SLFN14: variants seen among roughly 807,000 people sequenced by gnomAD.
SLFN14 encodes the protein schlafen family member 14.
In SLFN14, 47 loss-of-function variants were observed where a neutral mutation model predicts 58.6. The observed-to-expected ratio is 0.80, with a 90% CI of 0.64 to 1.02. The LOEUF (loss-of-function observed/expected upper bound fraction) is 1.02, where lower values mean the gene tolerates loss of function less well. Among genes scored for constraint, SLFN14 ranks in the 50% least tolerant of loss-of-function variants. The pLI, the probability that SLFN14 is intolerant of heterozygous loss-of-function variation, is 0.00. For synonymous variants in SLFN14, 390 were observed against 387.3 expected, an observed-to-expected ratio of 1.01 and a Z score of -0.08; for missense variants, 967 against 1,078.4, an observed-to-expected ratio of 0.90 and a Z score of 1.45.
chr17:35,545,183 A>T lies in SLFN14; in HGVS notation c.*3056T>A, dbSNP rs1292553971. Reference sequence around the variant, plus strand: ...ATTCTTCATTATTACAGTGTTAAAGATTATTCTCCACACTGACTTCTTTGA... The same window carrying T: ...ATTCTTCATTATTACAGTGTTAAAGTTTATTCTCCACACTGACTTCTTTGA... On this transcript the variant is annotated 3_prime_UTR_variant, in exon 6 of 6. Coordinates refer to ENST00000674182, the MANE Select transcript of SLFN14 (RefSeq NM_001129820.2). Among the ~76,000 whole-genome samples the T allele has an allele frequency of 2.6e-5, 4 of 152,224 alleles. No homozygotes were observed. Among genetic ancestry groups the T allele is most frequent in the Non-Finnish European group, 5.9e-5 (4 of 68,036 alleles).
At position 35,548,024 on chromosome 17, in the gene SLFN14, T is replaced by A; in HGVS notation, c.*215A>T. 1.7e-6 allele frequency: 1 copy of A among 571,478 alleles called. No homozygotes were observed. Among genetic ancestry groups the A allele is most frequent in the Non-Finnish European group, 3.1e-6 (1 of 321,606 alleles). 35.4% of individuals were successfully genotyped at this position (571,478 alleles called of 1,614,324 possible). ...GAGACAGGGGACTAATGAAGTCTATTGTAATTGTATAGGTAGGAGGTGAAG... is the reference window on the plus strand; with the variant it reads ...GAGACAGGGGACTAATGAAGTCTATAGTAATTGTATAGGTAGGAGGTGAAG... On this transcript the variant is annotated 3_prime_UTR_variant, in exon 6 of 6. Coordinates refer to ENST00000674182, the MANE Select transcript of SLFN14 (RefSeq NM_001129820.2).
In SLFN14 at chr17:35,557,961, G is replaced by C; in HGVS notation, c.102C>G (p.Asn34Lys). Residue 34 changes from asparagine to lysine, a missense_variant, in exon 3 of 6, where the codon AAC becomes AAG. Coordinates refer to ENST00000674182, the MANE Select transcript of SLFN14 (RefSeq NM_001129820.2). Reference sequence around the variant, plus strand: ...AATTCTCAGATCTTTTCAAACAGCTGTTGGTCATCTTCTTCCTGTTTTCTT... The same window carrying C: ...AATTCTCAGATCTTTTCAAACAGCTCTTGGTCATCTTCTTCCTGTTTTCTT... ...FGEENRKKMT[N>K]SCLKRSENSR... is the part of the protein sequence containing the mutation. 1 of 1,551,642 alleles carries C rather than the reference G, an allele frequency of 6.4e-7. No individual in the cohort carries two copies. The highest frequency in any genetic ancestry group is 8.7e-7 in the Non-Finnish European group (1 of 1,146,992).
Position 35,554,583 on chromosome 17 carries a change from C to CA in SLFN14, c.1181dup (p.Leu394PhefsTer12). ...GAAATCAAGAGGGAATACCTGGAAACAAATGTCGTTGCAGAGCCTCCTTAA... is the reference window on the plus strand; with the variant it reads ...GAAATCAAGAGGGAATACCTGGAAACAAAATGTCGTTGCAGAGCCTCCTTAA... On this transcript the variant is annotated frameshift_variant, in exon 4 of 6. Transcript: ENST00000674182. LOFTEE classifies it high-confidence loss of function. The CA allele has an allele frequency of 1.3e-6, 2 of 1,527,244 alleles. No individual in the cohort carries two copies. Among genetic ancestry groups the CA allele is most frequent in the Admixed American group, 2.1e-5 (1 of 46,584 alleles). 94.6% of individuals were successfully genotyped at this position (1,527,244 alleles called of 1,614,324 possible).
In SLFN14 at chr17:35,545,446, G is replaced by A. The variant is rs2072526793; in HGVS notation, c.*2793C>T. Among the ~76,000 whole-genome samples, 1 of 152,154 alleles carries A rather than the reference G, an allele frequency of 6.6e-6. No homozygotes were observed. Among genetic ancestry groups the A allele is most frequent in the African/African-American group, 2.4e-5 (1 of 41,438 alleles). Reference sequence around the variant, plus strand: ...ACATTTTTTGAGGACAGAAAGAACAGACTAGGAGAAGGGTTCAATGGTTCT... The same window carrying A: ...ACATTTTTTGAGGACAGAAAGAACAAACTAGGAGAAGGGTTCAATGGTTCT... On this transcript the variant is annotated 3_prime_UTR_variant, in exon 6 of 6. Transcript: ENST00000674182.
rs1016942125 is a variant in SLFN14 at position 35,548,357 on chromosome 17, G to A, written c.2621C>T (p.Thr874Ile). Residue 874 changes from threonine to isoleucine, a missense_variant, in exon 6 of 6, where the codon ACT (threonine) becomes ATT (isoleucine). Transcript: ENST00000674182. ...TTCTGGACTAAGCCCAAACACGACA[G>A]TCCTCTCCAGGCCTGAAAATTGCTG... The part of the protein sequence containing the change: ...SIQQFSGLER[T>I]VVFGLSPECD... 5 of 1,551,696 alleles carry A rather than the reference G, an allele frequency of 3.2e-6. No individual in the cohort carries two copies. The Admixed American group carries it at 7.8e-5, about 24-fold the overall frequency.
Position 35,553,214 on chromosome 17 carries a change from T to C in SLFN14, c.1420A>G (p.Ile474Val), listed in dbSNP as rs767925346. The change falls in exon 5 of 6, where the codon ATA becomes GTA. Residue 474 changes from isoleucine (I) to valine (V), a missense_variant. Transcript: ENST00000674182. ...NSPVVLYTIL[I>V]DPNWPGGLEY... ...AGTCCTCCAGGCCAATTGGGGTCTA[T>C]TAAGATTGTATAGAGTACCACGGGG... 2.4e-5 allele frequency: 38 copies of C among 1,551,698 alleles called. No individual in the cohort carries two copies. The highest frequency in any genetic ancestry group is 3.2e-5 in the Non-Finnish European group (37 of 1,146,992).
intron 2 of SLFN14, 25 bp from the exon 3 acceptor site, chr17:35,558,131 TTCTATATTAATAAGA>T (rs1455226927): frequency 7.7e-7 from 1 of 1,295,398 alleles, no homozygotes; most frequent in Non-Finnish European, 1.0e-6. Context: ...GAAATATTGT[TTCTATATTAATAAGA>T]ATTCCAAAGA....
intron 3 of SLFN14, 28 bp downstream of exon 3, chr17:35,556,975 T>G (rs1302345043): frequency 3.9e-6 from 6 of 1,523,630 alleles, no homozygotes; most frequent in Non-Finnish European, 4.4e-6. Context: ...TCCCTGCTGA[T>G]GGGGACAATG....
At chr17:35,554,331 AT>A (rs2072627982) in intron 4 of SLFN14, among the ~76,000 whole-genome samples, 1 of 147,284 alleles carries the variant, frequency 6.8e-6, no homozygotes, top group Middle Eastern at 3.3e-3. Flanking sequence ...ATATATAATA[AT>A]TATATAATAA....
rs2072665801 is a variant in SLFN14, at chr17:35,557,604, C to T, written c.459G>A (p.Lys153=). Residue 153 remains lysine, a synonymous_variant, in exon 3 of 6, where the codon AAG becomes AAA. Transcript: ENST00000674182. ...GTCTTCCTCTTTGGGCTCTAAACCC[C>T]TTCTCTCTGAGAAGCTCCAGGGCAC... ...ASSALELLRE[K]GFRAQRGRPR... The T allele has an allele frequency of 6.4e-7, 1 of 1,551,586 alleles. No individual in the cohort carries two copies. The highest frequency in any genetic ancestry group is 8.7e-7 in the Non-Finnish European group (1 of 1,147,002).
intron 5 of SLFN14, 83 bp from the exon 6 acceptor site, chr17:35,549,156 G>C: frequency 1.3e-5 from 14 of 1,080,824 alleles, no homozygotes; most frequent in Non-Finnish European, 1.6e-5. Flanking sequence ...TGGAATCAGA[G>C]GCTGATTCTC....
rs781084582 is a variant in SLFN14 at position 35,544,925 on chromosome 17, TCA to T, written c.*3312_*3313del. 2.0e-5 allele frequency among the ~76,000 whole-genome samples: 3 copies of T among 152,230 alleles called. No individual in the cohort carries two copies. The highest frequency in any genetic ancestry group is 2.9e-5 in the Non-Finnish European group (2 of 68,042). On this transcript the variant is annotated 3_prime_UTR_variant, in exon 6 of 6. Transcript: ENST00000674182. ...TTTAAAAGTAAGTTTTAGAAGCTTC[TCA>T]CAGTTTCTAAAGCTTCTCTTTTATC...
Position 35,548,325 on chromosome 17 carries a change from G to T in SLFN14, c.2653C>A (p.Gln885Lys). Reference sequence around the variant, plus strand: ...CAGAGCTTATGAAATTCCTCTGACTGGTCACATTCTGGACTAAGCCCAAAC... The same window carrying T: ...CAGAGCTTATGAAATTCCTCTGACTTGTCACATTCTGGACTAAGCCCAAAC... ...VVFGLSPECD[Q>K]SEEFHKLCFA... The change falls in exon 6 of 6, where the codon CAG (glutamine) becomes AAG (lysine). Residue 885 changes from glutamine to lysine, a missense_variant. Transcript: ENST00000674182. The T allele has an allele frequency of 1.9e-6, 3 of 1,551,642 alleles. No individual in the cohort carries two copies. The highest frequency in any genetic ancestry group is 8.7e-7 in the Non-Finnish European group (1 of 1,146,970).
intron 5 of SLFN14, 69 bp downstream of exon 5, chr17:35,552,661 C>CAT: frequency 1.5e-6 from 1 of 656,734 alleles, no homozygotes; most frequent in African/African-American, 2.5e-5. Context: ...CATATATATA[C>CAT]ACATATATAT....
chr17:35,548,989 C>G lies in SLFN14; in HGVS notation c.1989G>C (p.Glu663Asp). The G allele has an allele frequency of 2.6e-6, 4 of 1,551,714 alleles. No homozygotes were observed. The highest frequency in any genetic ancestry group is 2.6e-6 in the Non-Finnish European group (3 of 1,147,000). The stretch of plus-strand genomic sequence containing the variant: ...CATATTTGCTGCAGAAATTCTCAGT[C>G]TCATCCATCACTATGTGTTTAATCT... ...FLKIKHIVMDETENFCSKYGN... is the reference protein window; with the variant it reads ...FLKIKHIVMDDTENFCSKYGN... The change falls in exon 6 of 6, where the codon GAG becomes GAC. Residue 663 changes from glutamate to aspartate, a missense_variant. Transcript: ENST00000674182.
chr17:35,548,786 C>T lies in SLFN14; in HGVS notation c.2192G>A (p.Gly731Glu), dbSNP rs376709711. ...CGCTATTTCCAGAGCACAGTGGATC[C>T]CACTGGTGATTGTTTTTCGAGGAAA... ...AQFPRKTITS[G>E]IHCALEIAKV... Residue 731 changes from glycine (G) to glutamate (E), a missense_variant, in exon 6 of 6, where the codon GGG becomes GAG. Transcript: ENST00000674182. 22 of 1,551,574 alleles carry T rather than the reference C, an allele frequency of 1.4e-5. No individual in the cohort carries two copies. In the African/African-American group the frequency reaches 2.7e-4, roughly 19 times the overall value.
intron 2 of SLFN14, among the ~76,000 whole-genome samples, chr17:35,558,425 T>C (rs967094621): frequency 6.6e-6 from 1 of 151,912 alleles, no homozygotes; most frequent in African/African-American, 2.4e-5. Context: ...CCACCAAGCC[T>C]GGCTAATTTT....
intron 5 of SLFN14, among the ~76,000 whole-genome samples, chr17:35,549,716 T>C (rs2072567276): frequency 6.6e-6 from 1 of 152,228 alleles, no homozygotes; most frequent in African/African-American, 2.4e-5. Context: ...TGGTTGTTTT[T>C]TGCCTCCTTT....
intron 5 of SLFN14, among the ~76,000 whole-genome samples, chr17:35,551,576 C>G (rs1481776427): frequency 6.6e-6 from 1 of 152,176 alleles, no homozygotes; most frequent in African/African-American, 2.4e-5. Context: ...GGTATCACAA[C>G]CTCTATTCAG....
Sources: allele counts gnomAD v4.1 joint callset (sites outside exome capture counted in the v4.1 genomes callset), GRCh38; gene constraint gnomAD v4.1.1; transcripts MANE v1.5; gene names NCBI Gene and HGNC (gene_info 2026-07-23, HGNC 2026-07-21).